NFAT5: variants seen among roughly 807,000 people sequenced by gnomAD.
NFAT5 encodes nuclear factor of activated T cells 5, also known as nuclear factor of activated T-cells 5.
NFAT5 carries 31 observed loss-of-function variants against 166.5 expected under a neutral mutation model. That is an observed-to-expected ratio of 0.19 (90% CI 0.14 to 0.25). The LOEUF is 0.25. Among genes scored for constraint, NFAT5 ranks in the 10% least tolerant of loss-of-function variants. The probability of loss-of-function intolerance (pLI) is 1.00; values close to 1 mark genes in which losing one functional copy is unlikely to be tolerated. For missense variants in NFAT5, 1,449 were observed against 1,821.8 expected, an observed-to-expected ratio of 0.80 and a Z score of 3.72; for synonymous variants, 612 against 639.7, an observed-to-expected ratio of 0.96 and a Z score of 0.65.
intron 3 of NFAT5, among the ~76,000 whole-genome samples, chr16:69,626,790 A>G (rs1421378705): frequency 6.6e-6 from 1 of 152,184 alleles, no homozygotes; most frequent in Admixed American, 6.5e-5. Context: ...GAACCAGCTT[A>G]AAGTTGTTTG....
rs573213437 is a variant in NFAT5 at position 69,685,088 on chromosome 16, A to G, written c.1774+118A>G. On this transcript the variant is annotated intron_variant, in intron 11 of 14. Transcript: ENST00000349945. ...ATAATACTTTGCAGGGTATCTTCAT[A>G]TTGTAAAATAAATATGTGTTTAACT... The G allele has an allele frequency of 8.8e-6, 4 of 454,794 alleles. No individual in the cohort carries two copies. In the Admixed American group the frequency reaches 1.6e-4, roughly 19 times the overall value. The allele number at this position is 454,794 out of a possible 1,614,324, so 28.2% of individuals were successfully genotyped here. A position where few individuals can be genotyped will look rare whatever the true frequency, so the allele number is the denominator to read the frequency against.
intron 10 of NFAT5, among the ~76,000 whole-genome samples, chr16:69,679,719 A>C (rs921230266): frequency 2.6e-5 from 4 of 152,238 alleles, no homozygotes; most frequent in Admixed American, 1.3e-4. Flanking sequence ...CCTGGCTTCA[A>C]CAAAAATAGG....
At chr16:69,614,439 G>A (rs1303137382) in intron 2 of NFAT5, among the ~76,000 whole-genome samples, 2 of 152,172 alleles carry the variant, frequency 1.3e-5, no homozygotes, top group African/African-American at 4.8e-5. Flanking sequence ...CAGTTACATA[G>A]CTGAATTTTT....
rs2016251264 is a variant in NFAT5, at chr16:69,568,536, G to A, written c.115G>A (p.Gly39Arg). The change falls in exon 2 of 15, where the codon GGA becomes AGA. Residue 39 changes from glycine (G) to arginine (R), a missense_variant. Around this residue, in one of 7 missense-constraint regions of NFAT5, gnomAD observed 172 missense variants for 194.5 expected, o/e 0.88. Coordinates refer to ENST00000349945, the MANE Select transcript of NFAT5 (RefSeq NM_138713.4). Reference sequence around the variant, plus strand: ...CCCATCACAGAATTTTCATAGAGCTGGACTATTGGAAGGTCAGCAAAGTAC... The same window carrying A: ...CCCATCACAGAATTTTCATAGAGCTAGACTATTGGAAGGTCAGCAAAGTAC... ...LHPSQNFHRA[G>R]LLEESVYDLL... The A allele has an allele frequency of 1.9e-6, 3 of 1,612,518 alleles. No individual in the cohort carries two copies. The highest frequency in any genetic ancestry group is 1.7e-6 in the Non-Finnish European group (2 of 1,179,230).
chr16:69,677,404 G>A, intron 10 of NFAT5, 69 bp downstream of exon 10: 5 of 1,343,054 alleles, frequency 3.7e-6, no homozygotes, highest in Non-Finnish European at 5.0e-6. Flanking sequence ...AGAATATGAA[G>A]ATGACTAGCC....
rs141342628 is a variant in NFAT5, at chr16:69,597,534, G to A, written c.128-28869G>A. The stretch of plus-strand genomic sequence containing the variant: ...TTCCTAGCATGATTTCTTTACTCTC[G>A]CTTGTTGAGGTTAATTTTGCTCTAA... On this transcript the variant is annotated intron_variant, in intron 2 of 14. Transcript: ENST00000349945. Among the ~76,000 whole-genome samples the A allele has an allele frequency of 4.0e-5, 6 of 151,460 alleles. No homozygotes were observed. The East Asian group carries it at 5.8e-4, about 15-fold the overall frequency.
At chr16:69,626,145 G>A (rs1428305964) in intron 2 of NFAT5, among the ~76,000 whole-genome samples, 1 of 151,422 alleles carries the variant, frequency 6.6e-6, no homozygotes, top group Non-Finnish European at 1.5e-5. Flanking sequence ...GTAGAGATGG[G>A]GGTCACTGTG....
At position 69,692,216 on chromosome 16, in the gene NFAT5, A is replaced by G; in HGVS notation, c.2391A>G (p.Gln797=). The G allele has an allele frequency of 6.2e-7, 1 of 1,614,212 alleles. No individual in the cohort carries two copies. Among genetic ancestry groups the G allele is most frequent in the South Asian group, 1.1e-5 (1 of 91,088 alleles). ...SQLQNTIQQL[Q]AGSFTGSTAS... The stretch of plus-strand genomic sequence containing the variant: ...TTCAGAATACTATTCAGCAGCTGCA[A>G]GCAGGGAGTTTCACAGGCAGTACTG... The change falls in exon 13 of 15, where the codon CAA becomes CAG. Residue 797 remains glutamine, a synonymous_variant. Coordinates refer to ENST00000349945, the MANE Select transcript of NFAT5 (RefSeq NM_138713.4).
At chr16:69,642,268 A>T (rs188340867) in intron 3 of NFAT5, among the ~76,000 whole-genome samples, 4 of 152,324 alleles carry the variant, frequency 2.6e-5, no homozygotes, top group African/African-American at 7.2e-5. Flanking sequence ...TTCTTAAAAG[A>T]AGCTGTATGT....
At chr16:69,672,556 G>C (rs893687986) in intron 9 of NFAT5, among the ~76,000 whole-genome samples, 3 of 152,122 alleles carry the variant, frequency 2.0e-5, no homozygotes, top group Non-Finnish European at 2.9e-5. Flanking sequence ...TGTGTTCCTT[G>C]TAATACCAAA....
chr16:69,677,208 T>A lies in NFAT5; in HGVS notation c.1563T>A (p.His521Gln). The change falls in exon 10 of 15, where the codon CAT becomes CAA. Residue 521 changes from histidine to glutamine, a missense_variant. This residue lies in a region of NFAT5 where 245 missense variants were observed against 366.6 expected (regional missense o/e 0.67). Transcript: ENST00000349945. ...EIDMELFHQNHLIVKVPPYHD... is the reference protein window; with the variant it reads ...EIDMELFHQNQLIVKVPPYHD... ...TGTGCTTTTCTTTACATTAGAATCA[T>A]CTTATTGTGAAGGTTCCTCCCTATC... is the stretch of plus-strand genomic sequence containing the variant. The A allele has an allele frequency of 6.2e-7, 1 of 1,603,348 alleles. No individual in the cohort carries two copies. The highest frequency in any genetic ancestry group is 8.5e-7 in the Non-Finnish European group (1 of 1,177,466).
chr16:69,600,952 G>A (rs1302076534), intron 2 of NFAT5, among the ~76,000 whole-genome samples: 1 of 152,002 alleles, frequency 6.6e-6, no homozygotes, highest in Admixed American at 6.6e-5. Context: ...AAAAATAATG[G>A]GGATGGGGTA....
At chr16:69,694,914 A>G (rs758714336) in intron 13 of NFAT5, among the ~76,000 whole-genome samples, 1 of 152,250 alleles carries the variant, frequency 6.6e-6, no homozygotes, top group Non-Finnish European at 1.5e-5. Context: ...GACTGCTTAA[A>G]GGAAACCTAA....
At chr16:69,649,388 G>T in intron 4 of NFAT5, 1 of 978,788 alleles carries the variant, frequency 1.0e-6, no homozygotes, top group Non-Finnish European at 1.2e-6. Flanking sequence ...ATTTGCAGTT[G>T]CTAATTAAAT....
chr16:69,687,875 G>T (rs2037373935), intron 11 of NFAT5, among the ~76,000 whole-genome samples: 1 of 152,090 alleles, frequency 6.6e-6, no homozygotes, highest in Admixed American at 6.6e-5. Context: ...AACTACTCAG[G>T]AGACTGAGGT....
chr16:69,649,967 TA>T (rs60569484), intron 4 of NFAT5, among the ~76,000 whole-genome samples: 2,145 of 147,010 alleles, frequency 0.015, 37 homozygotes, highest in African/African-American at 0.047. Context: ...ATAAAACCAT[TA>T]AAAAAAAAAG....
intron 3 of NFAT5, among the ~76,000 whole-genome samples, chr16:69,635,074 G>A (rs142411812): frequency 1.5e-5 from 2 of 132,808 alleles, no homozygotes; most frequent in African/African-American, 2.9e-5. Context: ...GCAATGGTGC[G>A]ATCTCAGCTC....
At chr16:69,621,499 G>A (rs1488415931) in intron 2 of NFAT5, among the ~76,000 whole-genome samples, 3 of 152,104 alleles carry the variant, frequency 2.0e-5, no homozygotes, top group African/African-American at 7.2e-5. Context: ...CTCAGAAGCT[G>A]CCTTTCCATT....
intron 2 of NFAT5, among the ~76,000 whole-genome samples, chr16:69,597,471 T>C (rs2151535079): frequency 6.6e-6 from 1 of 152,346 alleles, no homozygotes; most frequent in East Asian, 1.9e-4. Flanking sequence ...TGGTGAACTC[T>C]GGAGATCAGT....
Sources: allele counts gnomAD v4.1 joint callset (sites outside exome capture counted in the v4.1 genomes callset), GRCh38; gene constraint gnomAD v4.1.1; regional missense constraint gnomAD v4.1.1; transcripts MANE v1.5; gene names NCBI Gene and HGNC (gene_info 2026-07-23, HGNC 2026-07-21).